The following FBXL8 variants were observed in gnomAD, a reference collection of about 807,000 sequenced individuals.
The protein encoded by FBXL8 is F-box and leucine rich repeat protein 8.
FBXL8 carries 13 observed loss-of-function variants against 8.2 expected under a neutral mutation model. The ratio of observed to expected loss-of-function variants is 1.58; its 90% confidence interval spans 1.03 to 2.51. FBXL8 has a LOEUF of 2.51. FBXL8 is among the 30% of genes most tolerant of loss of function. The pLI is 0.00. For missense variants in FBXL8, 565 were observed against 540.4 expected (o/e 1.05, Z -0.45); for synonymous variants, 271 against 260.5 (o/e 1.04, Z -0.39).
At chr16:67,162,615 TCATTGGCTCTC>T (rs1175739957) in intron 2 of FBXL8, 2 of 718,398 alleles carry the variant, frequency 2.8e-6, no homozygotes, top group Non-Finnish European at 5.0e-6. Flanking sequence ...TCCTAAAATA[TCATTGGCTCTC>T]CATGTCCAGG....
rs766902313 is a variant in FBXL8, at chr16:67,163,503, GTCC to G, written c.810_812del (p.Leu271del). 5 of 1,545,210 alleles carry G rather than the reference GTCC, an allele frequency of 3.2e-6. No individual in the cohort carries two copies. In the Admixed American group the frequency reaches 7.6e-5, roughly 23 times the overall value. The stretch of plus-strand genomic sequence containing the variant: ...GCTGCCCGCTGAGAGCGTGACGCGC[GTCC>G]TGCAGCCAGCCGTCCCCGTGGCTGC... On this transcript the variant is annotated inframe_deletion, in exon 3 of 3. Transcript: ENST00000258200.
chr16:67,161,952 C>G lies in FBXL8; in HGVS notation c.152+15C>G. 6.3e-7 allele frequency: 1 copy of G among 1,592,006 alleles called. No individual in the cohort carries two copies. The highest frequency in any genetic ancestry group is 1.3e-5 in the African/African-American group (1 of 74,752). On this transcript the variant is annotated intron_variant, in intron 2 of 2. Transcript: ENST00000258200. Reference sequence around the variant, plus strand: ...ACAAAAATCAGGTGAGCCTGCTCCTCCACACTCCTCTCCCCACCGCCCACT... The same window carrying G: ...ACAAAAATCAGGTGAGCCTGCTCCTGCACACTCCTCTCCCCACCGCCCACT...
rs1248368776 is a variant in FBXL8, at chr16:67,163,032, G to GA, written c.342dup (p.Pro115ThrfsTer151). 1.2e-5 allele frequency: 18 copies of GA among 1,561,868 alleles called. No homozygotes were observed. In the Admixed American group the frequency reaches 2.6e-4, roughly 23 times the overall value. Reference sequence around the variant, plus strand: ...AGGCCTGCGCCTGGAGTGCCGCGGAGAAAAACCGCTCTTCGACGCGGGCCG... The same window carrying GA: ...AGGCCTGCGCCTGGAGTGCCGCGGAGAAAAAACCGCTCTTCGACGCGGGCCG... On this transcript the variant is annotated frameshift_variant, in exon 3 of 3. Transcript: ENST00000258200. LOFTEE classifies it low-confidence loss of function (END_TRUNC).
rs773593648 is a variant in FBXL8 at position 67,163,439 on chromosome 16, C to T, written c.744C>T (p.Arg248=). Residue 248 remains arginine (R), a synonymous_variant, in exon 3 of 3, where the codon CGC becomes CGT. Coordinates refer to ENST00000258200, the MANE Select transcript of FBXL8 (RefSeq NM_018378.3). ...PNEAWVALRR[R]HPGLAVELEL... ...AAGCCTGGGTCGCGTTGCGCCGCCG[C>T]CACCCTGGGCTGGCAGTGGAGCTGG... is the stretch of plus-strand genomic sequence containing the variant. 2.4e-5 allele frequency: 37 copies of T among 1,535,700 alleles called. No individual in the cohort carries two copies. In the South Asian group the frequency reaches 4.4e-4, roughly 18 times the overall value.
At chr16:67,161,974 C>T (rs2030926712) in intron 2 of FBXL8, 37 bp downstream of exon 2, 1 of 1,555,646 alleles carries the variant, frequency 6.4e-7, no homozygotes, top group South Asian at 1.2e-5. Context: ...CCCCACCGCC[C>T]ACTCACCTTC....
At chr16:67,162,459 C>T (rs1156546207) in intron 2 of FBXL8, 2 of 623,226 alleles carry the variant, frequency 3.2e-6, no homozygotes, top group East Asian at 2.7e-5. Context: ...TTATCATTAC[C>T]TCCATTGCCC....
rs1249916845 is a variant in FBXL8, at chr16:67,163,938, C to T, written c.*118C>T. On this transcript the variant is annotated 3_prime_UTR_variant, in exon 3 of 3. Coordinates refer to ENST00000258200, the MANE Select transcript of FBXL8 (RefSeq NM_018378.3). ...CTTTTGGGATTGTTGCCCCCCGGGT[C>T]TTTACCGAGTTGGGAACTGTGATGG... 2.4e-5 allele frequency: 35 copies of T among 1,448,982 alleles called. No individual in the cohort carries two copies. The East Asian group carries it at 7.8e-4, about 32-fold the overall frequency. 89.8% of individuals were successfully genotyped at this position (1,448,982 alleles called of 1,614,324 possible).
In FBXL8 at chr16:67,163,676, C is replaced by T. The variant is rs1320058764; in HGVS notation, c.981C>T (p.Cys327=). ...NAALEELAAR[C]AALREVHCFC... is the part of the protein sequence containing the mutation. ...CGCTGGAGGAGCTGGCGGCGCGCTGCGCGGCCCTGCGCGAGGTGCATTGTT... is the reference window on the plus strand; with the variant it reads ...CGCTGGAGGAGCTGGCGGCGCGCTGTGCGGCCCTGCGCGAGGTGCATTGTT... The change falls in exon 3 of 3, where the codon TGC becomes TGT. Residue 327 remains cysteine (C), a synonymous_variant. Transcript: ENST00000258200. 1 of 1,578,924 alleles carries T rather than the reference C, an allele frequency of 6.3e-7. No homozygotes were observed. Among genetic ancestry groups the T allele is most frequent in the Non-Finnish European group, 8.5e-7 (1 of 1,170,612 alleles).
rs1162597722 is a variant in FBXL8, at chr16:67,162,033, T to TA, written c.152+102dup. The TA allele has an allele frequency of 8.6e-6, 12 of 1,400,144 alleles. No individual in the cohort carries two copies. The African/African-American group carries it at 1.5e-4, about 17-fold the overall frequency. The allele number at this position is 1,400,144 out of a possible 1,614,324, so 86.7% of individuals were successfully genotyped here. Reference sequence around the variant, plus strand: ...GATATTCAGGTTGACTCCCCCATATTAAAAAATAATTGCTGGCCGGGCGTG... The same window carrying TA: ...GATATTCAGGTTGACTCCCCCATATTAAAAAAATAATTGCTGGCCGGGCGTG... On this transcript the variant is annotated intron_variant, in intron 2 of 2. Transcript: ENST00000258200.
intron 2 of FBXL8, chr16:67,162,377 C>A: frequency 1.7e-6 from 1 of 573,820 alleles, no homozygotes; most frequent in Non-Finnish European, 3.1e-6. Flanking sequence ...TATATACCAA[C>A]CATTGTTTTT....
rs762606235 is a variant in FBXL8, at chr16:67,161,880, G to A, written c.95G>A (p.Cys32Tyr). The A allele has an allele frequency of 2.5e-6, 4 of 1,610,922 alleles. No homozygotes were observed. The highest frequency in any genetic ancestry group is 3.3e-5 in the Admixed American group (2 of 59,774). ...LRDRAAAARV[C>Y]RAWAAAATCS... ...GACCGTGCTGCCGCCGCCAGGGTCT[G>A]CAGGGCCTGGGCCGCCGCTGCTACC... The change falls in exon 2 of 3, where the codon TGC (cysteine) becomes TAC (tyrosine). Residue 32 changes from cysteine to tyrosine, a missense_variant. Coordinates refer to ENST00000258200, the MANE Select transcript of FBXL8 (RefSeq NM_018378.3).
chr16:67,163,930 C>A lies in FBXL8; in HGVS notation c.*110C>A. 6.8e-7 allele frequency: 1 copy of A among 1,478,258 alleles called. No homozygotes were observed. The highest frequency in any genetic ancestry group is 2.0e-5 in the Admixed American group (1 of 49,216). The allele number at this position is 1,478,258 out of a possible 1,614,324, so 91.6% of individuals were successfully genotyped here. On this transcript the variant is annotated 3_prime_UTR_variant, in exon 3 of 3. Transcript: ENST00000258200. ...AGTGCCTTCTTTTGGGATTGTTGCC[C>A]CCCGGGTCTTTACCGAGTTGGGAAC...
chr16:67,163,023 T>C lies in FBXL8; in HGVS notation c.328T>C (p.Cys110Arg). The part of the protein sequence containing the change: ...APGLRGLRLE[C>R]RGEKPLFDAG... ...GGGGCTGCGAGGCCTGCGCCTGGAGTGCCGCGGAGAAAAACCGCTCTTCGA... is the reference window on the plus strand; with the variant it reads ...GGGGCTGCGAGGCCTGCGCCTGGAGCGCCGCGGAGAAAAACCGCTCTTCGA... The change falls in exon 3 of 3, where the codon TGC becomes CGC. Residue 110 changes from cysteine to arginine, a missense_variant. Physicochemically the swap from Cys to Arg is radical, Grantham distance 180. Coordinates refer to ENST00000258200, the MANE Select transcript of FBXL8 (RefSeq NM_018378.3). 1 of 1,557,306 alleles carries C rather than the reference T, an allele frequency of 6.4e-7. No individual in the cohort carries two copies. The highest frequency in any genetic ancestry group is 8.7e-7 in the Non-Finnish European group (1 of 1,150,572).
Position 67,163,468 on chromosome 16 carries a change from T to TGGAGCC in FBXL8, c.774_779dup (p.Glu259_Pro260dup). 1.3e-6 allele frequency: 2 copies of TGGAGCC among 1,536,270 alleles called. No individual in the cohort carries two copies. Among genetic ancestry groups the TGGAGCC allele is most frequent in the Non-Finnish European group, 1.7e-6 (2 of 1,147,294 alleles). ...CCTGGGCTGGCAGTGGAGCTGGAGCTGGAGCCCGCGCTGCCCGCTGAGAGC... is the reference window on the plus strand; with the variant it reads ...CCTGGGCTGGCAGTGGAGCTGGAGCTGGAGCCGGAGCCCGCGCTGCCCGCTGAGAGC... On this transcript the variant is annotated inframe_insertion, in exon 3 of 3. Coordinates refer to ENST00000258200, the MANE Select transcript of FBXL8 (RefSeq NM_018378.3).
intron 1 of FBXL8, chr16:67,160,978 G>A (rs3181263): frequency 0.036 from 5,547 of 152,676 alleles, 338 homozygotes; most frequent in African/African-American, 0.12. Context: ...ACATCTCCCC[G>A]GCGAGGCGGA....
Position 67,163,108 on chromosome 16 carries a change from G to A in FBXL8, c.413G>A (p.Arg138His), listed in dbSNP as rs1457967627. Residue 138 changes from arginine to histidine, a missense_variant, in exon 3 of 3, where the codon CGC (arginine) becomes CAC (histidine). Transcript: ENST00000258200. ...HAVCGAASQL[R>H]HLDLRRLSFT... Reference sequence around the variant, plus strand: ...GTATGCGGGGCGGCCAGCCAGCTACGCCACCTCGACCTGCGGCGCTTGTCC... The same window carrying A: ...GTATGCGGGGCGGCCAGCCAGCTACACCACCTCGACCTGCGGCGCTTGTCC... 6.3e-7 allele frequency: 1 copy of A among 1,581,102 alleles called. No individual in the cohort carries two copies. Among genetic ancestry groups the A allele is most frequent in the Non-Finnish European group, 8.6e-7 (1 of 1,164,466 alleles).
At position 67,161,833 on chromosome 16, in the gene FBXL8, C is replaced by T; in HGVS notation, c.48C>T (p.Ile16=). ...TGCCAGAGGAGGTGCTGGCACTCAT[C>T]TTCCGCCACCTGTCCCTGAGAGACC... ...EGLPEEVLAL[I]FRHLSLRDRA... is the part of the protein sequence containing the mutation. Residue 16 remains isoleucine (I), a synonymous_variant, in exon 2 of 3, where the codon ATC becomes ATT. Coordinates refer to ENST00000258200, the MANE Select transcript of FBXL8 (RefSeq NM_018378.3). The T allele has an allele frequency of 6.2e-7, 1 of 1,610,542 alleles. No individual in the cohort carries two copies. Among genetic ancestry groups the T allele is most frequent in the East Asian group, 2.2e-5 (1 of 44,736 alleles).
chr16:67,164,005 C>T lies in FBXL8; in HGVS notation c.*185C>T. On this transcript the variant is annotated 3_prime_UTR_variant, in exon 3 of 3. Transcript: ENST00000258200. Reference sequence around the variant, plus strand: ...GGGCGCCCTGAGACCACTCGCTGCTCTCACCCTCTGCAGACGCCCCACCCG... The same window carrying T: ...GGGCGCCCTGAGACCACTCGCTGCTTTCACCCTCTGCAGACGCCCCACCCG... The T allele has an allele frequency of 3.5e-6, 3 of 848,250 alleles. No homozygotes were observed. In the South Asian group the frequency reaches 4.3e-5, roughly 12 times the overall value. The allele number at this position is 848,250 out of a possible 1,614,324, so 52.5% of individuals were successfully genotyped here.
intron 1 of FBXL8, 31 bp from the exon 2 acceptor site, chr16:67,161,704 C>A: frequency 6.9e-7 from 1 of 1,446,772 alleles, no homozygotes; most frequent in Non-Finnish European, 9.2e-7. Flanking sequence ...TTTGCGCCTT[C>A]CCGACCTCAG....
Sources: gnomAD v4.1 joint callset for allele counts on GRCh38, gnomAD v4.1.1 for gene constraint, MANE v1.5 for transcripts, NCBI Gene and HGNC (gene_info 2026-07-23, HGNC 2026-07-21) for gene names.